The following DGKB variants were observed in gnomAD, a reference collection of about 807,000 sequenced individuals.
DGKB encodes the protein 90 kDa diacylglycerol kinase.
DGKB carries 67 observed loss-of-function variants against 114.3 expected under a neutral mutation model. That is an observed-to-expected ratio of 0.59 (90% CI 0.48 to 0.72). DGKB has a LOEUF of 0.72. DGKB is among the 30% of genes least tolerant of loss of function. The probability of loss-of-function intolerance (pLI) is 0.00; values close to 1 mark genes in which losing one functional copy is unlikely to be tolerated. For synonymous variants in DGKB, 398 were observed against 323.1 expected (o/e 1.23, Z -2.49); for missense variants, 907 against 975.2 (o/e 0.93, Z 0.93).
chr7:14,415,951 A>T (rs1825663997), intron 21 of DGKB, among the ~76,000 whole-genome samples: 1 of 152,050 alleles, frequency 6.6e-6, no homozygotes, highest in Admixed American at 6.6e-5. Flanking sequence ...TGACTTTTTA[A>T]TGATTGTCAT....
intron 23 of DGKB, among the ~76,000 whole-genome samples, chr7:14,285,269 G>A (rs891287476): frequency 2.0e-5 from 3 of 152,268 alleles, no homozygotes; most frequent in South Asian, 2.1e-4. Flanking sequence ...TGAAAAAGAC[G>A]TGCAACTTAC....
intron 20 of DGKB, among the ~76,000 whole-genome samples, chr7:14,485,936 C>T (rs1469459138): frequency 2.0e-5 from 3 of 151,770 alleles, no homozygotes; most frequent in East Asian, 1.9e-4. Context: ...AAGGTGGCTG[C>T]ACCCGTGAGC....
At chr7:14,824,008 T>C (rs1562633215) in intron 2 of DGKB, among the ~76,000 whole-genome samples, 2 of 152,102 alleles carry the variant, frequency 1.3e-5, no homozygotes, top group Non-Finnish European at 2.9e-5. Flanking sequence ...TGGCAGAAGG[T>C]GAATGAGGGT....
intron 21 of DGKB, among the ~76,000 whole-genome samples, chr7:14,458,218 C>T (rs1048070312): frequency 3.3e-5 from 5 of 152,032 alleles, no homozygotes; most frequent in Non-Finnish European, 7.4e-5. Context: ...AAATTAGATC[C>T]CCAAATTTCT....
At chr7:14,763,676 C>A in intron 2 of DGKB, among the ~76,000 whole-genome samples, 1 of 152,010 alleles carries the variant, frequency 6.6e-6, no homozygotes, top group Middle Eastern at 3.2e-3. Flanking sequence ...ATTCAAACTC[C>A]TATACAGTAA....
In DGKB at chr7:14,784,300, G is replaced by T. The variant is rs185504595; in HGVS notation, c.71-26569C>A. 4.4e-3 allele frequency among the ~76,000 whole-genome samples: 651 copies of T among 148,624 alleles called. 6 individuals carry two copies. The highest frequency in any genetic ancestry group is 0.015 in the African/African-American group (609 of 40,440). On this transcript the variant is annotated intron_variant, in intron 2 of 25. Transcript: ENST00000402815. Reference sequence around the variant, plus strand: ...TACATTCTTATGTTATTAAAGTCTAGTTTTAATCATATCAGAACAATATAA... The same window carrying T: ...TACATTCTTATGTTATTAAAGTCTATTTTTAATCATATCAGAACAATATAA...
At chr7:14,351,135 G>A (rs550555314) in intron 21 of DGKB, among the ~76,000 whole-genome samples, 14 of 152,308 alleles carry the variant, frequency 9.2e-5, no homozygotes, top group Admixed American at 6.5e-4. Flanking sequence ...ATACTGCAGA[G>A]TAAGTGTTTA....
At chr7:14,931,101 A>G (rs1027851061) in intron 1 of DGKB, among the ~76,000 whole-genome samples, 4 of 149,774 alleles carry the variant, frequency 2.7e-5, no homozygotes, top group African/African-American at 9.9e-5. Context: ...TGTTAGATTC[A>G]GTTTGCTAGT....
chr7:14,445,634 C>T (rs1020304621), intron 21 of DGKB, among the ~76,000 whole-genome samples: 3 of 151,910 alleles, frequency 2.0e-5, no homozygotes, highest in Non-Finnish European at 4.4e-5. Flanking sequence ...ATTTAATCAA[C>T]AGTGATTATA....
At chr7:14,679,723 T>C (rs748250661) in intron 12 of DGKB, among the ~76,000 whole-genome samples, 4 of 152,000 alleles carry the variant, frequency 2.6e-5, no homozygotes, top group Non-Finnish European at 5.9e-5. Flanking sequence ...AGAAAGTACA[T>C]TCAGTTGTTT....
At chr7:14,970,782 G>A (rs1787417228) in intron 1 of DGKB, among the ~76,000 whole-genome samples, 1 of 152,024 alleles carries the variant, frequency 6.6e-6, no homozygotes, top group African/African-American at 2.4e-5. Context: ...GGAATACACT[G>A]CGTAGTATTC....
At chr7:14,656,265 G>T (rs1310305371) in intron 13 of DGKB, among the ~76,000 whole-genome samples, 2 of 151,396 alleles carry the variant, frequency 1.3e-5, no homozygotes, top group Non-Finnish European at 3.0e-5. Context: ...TATTATTTTT[G>T]ATTTGTGGGA....
chr7:14,242,983 C>G (rs1403442224), intron 23 of DGKB, among the ~76,000 whole-genome samples: 1 of 150,470 alleles, frequency 6.6e-6, no homozygotes, highest in African/African-American at 2.5e-5. Flanking sequence ...ACAGAGGTGA[C>G]AGTATGAAGA....
chr7:14,205,829 T>C (rs987139541), intron 23 of DGKB, among the ~76,000 whole-genome samples: 3 of 151,934 alleles, frequency 2.0e-5, no homozygotes, highest in Non-Finnish European at 4.4e-5. Flanking sequence ...TTACTACGTA[T>C]GGGAAGTAGA....
chr7:14,906,016 A>C (rs1224826928), upstream of DGKB, among the ~76,000 whole-genome samples: 1 of 152,168 alleles, frequency 6.6e-6, no homozygotes, highest in Non-Finnish European at 1.5e-5. Context: ...ACAGAACTGC[A>C]CAATAATGCC....
At chr7:14,851,110 G>A (rs1158617471) in intron 1 of DGKB, among the ~76,000 whole-genome samples, 3 of 152,044 alleles carry the variant, frequency 2.0e-5, no homozygotes, top group Non-Finnish European at 4.4e-5. Flanking sequence ...ATTGAAATTG[G>A]ACATATATAC....
rs1026347255 is a variant in DGKB, at chr7:14,607,469, C to T, written c.1398G>A (p.Gln466=). Residue 466 remains glutamine, a synonymous_variant, in exon 17 of 26, where the codon CAG becomes CAA. Coordinates refer to ENST00000402815, the MANE Select transcript of DGKB (RefSeq NM_001350709.2). Reference sequence around the variant, plus strand: ...GTCCATTTCCAGAAAGACTGTAAACCTGACGAGGATTTAATAGATACTGGA... The same window carrying T: ...GTCCATTTCCAGAAAGACTGTAAACTTGACGAGGATTTAATAGATACTGGA... ...RKFQYLLNPR[Q]VYSLSGNGPM... is the part of the protein sequence containing the mutation. 1.3e-6 allele frequency: 2 copies of T among 1,591,204 alleles called. No homozygotes were observed. The highest frequency in any genetic ancestry group is 1.7e-6 in the Non-Finnish European group (2 of 1,160,964).
intron 2 of DGKB, among the ~76,000 whole-genome samples, chr7:14,802,246 T>C (rs1359580462): frequency 6.6e-6 from 1 of 152,164 alleles, no homozygotes; most frequent in Non-Finnish European, 1.5e-5. Context: ...AATACTGATA[T>C]CAAATTTTTT....
chr7:14,850,291 G>A (rs1849177404), intron 1 of DGKB, among the ~76,000 whole-genome samples: 1 of 152,162 alleles, frequency 6.6e-6, no homozygotes, highest in Non-Finnish European at 1.5e-5. Flanking sequence ...ATTGTGAGAA[G>A]CAGAGAGACA....
Sources: allele counts gnomAD v4.1 joint callset (sites outside exome capture counted in the v4.1 genomes callset), GRCh38; gene constraint gnomAD v4.1.1; transcripts MANE v1.5; gene names NCBI Gene and HGNC (gene_info 2026-07-23, HGNC 2026-07-21).